PLXNC1: variants seen among roughly 807,000 people sequenced by gnomAD.
PLXNC1 encodes the protein plexin C1.
PLXNC1 carries 75 observed loss-of-function variants against 178.2 expected under a neutral mutation model. That is an observed-to-expected ratio of 0.42 (90% CI 0.35 to 0.51). PLXNC1 has a LOEUF of 0.51. PLXNC1 is among the 20% of genes least tolerant of loss of function. The pLI, the probability that PLXNC1 is intolerant of heterozygous loss-of-function variation, is 0.02. For missense variants in PLXNC1, 1,503 were observed against 1,984.4 expected (o/e 0.76, Z 4.61); for synonymous variants, 790 against 779.9 (o/e 1.01, Z -0.22).
At chr12:94,269,762 T>G (rs899539549) in intron 21 of PLXNC1, among the ~76,000 whole-genome samples, 7 of 152,260 alleles carry the variant, frequency 4.6e-5, no homozygotes, top group African/African-American at 1.7e-4. Context: ...CTCTCTACCA[T>G]AGTGCAAATC....
chr12:94,225,031 C>A (rs1047555529), intron 7 of PLXNC1, among the ~76,000 whole-genome samples: 18 of 152,180 alleles, frequency 1.2e-4, no homozygotes, highest in African/African-American at 4.3e-4. Context: ...AAGTCCCTTT[C>A]ACCAAAAGAA....
chr12:94,255,433 G>A, intron 17 of PLXNC1, 137 bp downstream of exon 17: 1 of 669,054 alleles, frequency 1.5e-6, no homozygotes, highest in Non-Finnish European at 2.7e-6. Context: ...TTAAGTTTGA[G>A]CAGAGCAGGG....
chr12:94,177,199 ACGTATATATATATGTGTG>A (rs1962115128), intron 2 of PLXNC1, among the ~76,000 whole-genome samples: 7 of 26,020 alleles, frequency 2.7e-4, no homozygotes, highest in African/African-American at 1.3e-3. Context: ...ATATATATAT[ACGTATATATATATGTGTG>A]TGTATATATA....
Position 94,236,552 on chromosome 12 carries a change from T to C in PLXNC1, c.1981-1112T>C, listed in dbSNP as rs187878392. On this transcript the variant is annotated intron_variant, in intron 9 of 30. Transcript: ENST00000258526. ...GTCCTCCAAGTGGATGCACTCAGCA[T>C]TTAGAATTTCACCAAACGTCATGTG... is the stretch of plus-strand genomic sequence containing the variant. Among the ~76,000 whole-genome samples the C allele has an allele frequency of 4.5e-3, 688 of 152,348 alleles. 17 individuals are homozygous for C. The highest frequency in any genetic ancestry group is 0.041 in the Admixed American group (626 of 15,306).
chr12:94,260,594 C>G lies in PLXNC1; in HGVS notation c.3252-48C>G. On this transcript the variant is annotated intron_variant, in intron 19 of 30. Transcript: ENST00000258526. The surrounding 1 kb of genome is among the most constrained non-coding windows in gnomAD (Gnocchi z 4.4). Reference sequence around the variant, plus strand: ...CTTCCATGGAAACTCCCATGGGTGTCCAGCTAGGCCTGCAGCCAATGGTTC... The same window carrying G: ...CTTCCATGGAAACTCCCATGGGTGTGCAGCTAGGCCTGCAGCCAATGGTTC... 7.0e-7 allele frequency: 1 copy of G among 1,430,910 alleles called. No homozygotes were observed. The highest frequency in any genetic ancestry group is 9.8e-7 in the Non-Finnish European group (1 of 1,022,740). 88.6% of individuals were successfully genotyped at this position (1,430,910 alleles called of 1,614,324 possible).
intron 17 of PLXNC1, among the ~76,000 whole-genome samples, chr12:94,258,454 T>C (rs1301649844): frequency 1.3e-5 from 2 of 152,228 alleles, no homozygotes; most frequent in East Asian, 3.8e-4. Flanking sequence ...TTTCTATTAT[T>C]ATCAAAAAAG....
chr12:94,229,903 G>A (rs2136034868), intron 9 of PLXNC1, among the ~76,000 whole-genome samples: 1 of 152,292 alleles, frequency 6.6e-6, no homozygotes, highest in East Asian at 1.9e-4. Flanking sequence ...TGAGATAATT[G>A]TAGATTCACA....
intron 3 of PLXNC1, among the ~76,000 whole-genome samples, chr12:94,181,994 A>G (rs1962325954): frequency 6.6e-6 from 1 of 152,142 alleles, no homozygotes; most frequent in Non-Finnish European, 1.5e-5. Context: ...TTCATGAACC[A>G]GGAAATATAT....
At chr12:94,302,335 T>C (rs1279693170) in intron 28 of PLXNC1, among the ~76,000 whole-genome samples, 1 of 152,212 alleles carries the variant, frequency 6.6e-6, no homozygotes, top group African/African-American at 2.4e-5. Context: ...ACAGTCCCTC[T>C]GTCTAGTAAA....
At position 94,228,548 on chromosome 12, in the gene PLXNC1, C is replaced by T. The variant is rs184880634; in HGVS notation, c.1980+1313C>T. On this transcript the variant is annotated intron_variant, in intron 9 of 30. Coordinates refer to ENST00000258526, the MANE Select transcript of PLXNC1 (RefSeq NM_005761.3). Reference sequence around the variant, plus strand: ...TCTTGCAAAACTGAAACTCTATGCTCGTTAAATAATAACTCTTCATCTCTC... The same window carrying T: ...TCTTGCAAAACTGAAACTCTATGCTTGTTAAATAATAACTCTTCATCTCTC... 8.5e-5 allele frequency among the ~76,000 whole-genome samples: 13 copies of T among 152,290 alleles called. No homozygotes were observed. The East Asian group carries it at 2.1e-3, about 25-fold the overall frequency.
intron 1 of PLXNC1, chr12:94,168,359 A>T (rs1961705405): frequency 6.6e-6 from 1 of 152,236 alleles, no homozygotes; most frequent in Non-Finnish European, 1.5e-5. Context: ...TTCCTTTTAA[A>T]CAAAAAAGAA....
At chr12:94,224,006 G>A (rs980468387) in intron 6 of PLXNC1, among the ~76,000 whole-genome samples, 1 of 152,160 alleles carries the variant, frequency 6.6e-6, no homozygotes, top group African/African-American at 2.4e-5. Context: ...AACTCGAGGT[G>A]GGTTCAGTCT....
intron 2 of PLXNC1, among the ~76,000 whole-genome samples, chr12:94,172,007 G>A (rs2135944356): frequency 6.6e-6 from 1 of 152,282 alleles, no homozygotes; most frequent in South Asian, 2.1e-4. Context: ...GAATCCTGAA[G>A]ACCCAGGATC....
chr12:94,222,785 C>T (rs1963833172), intron 6 of PLXNC1, among the ~76,000 whole-genome samples: 1 of 151,744 alleles, frequency 6.6e-6, no homozygotes, highest in Non-Finnish European at 1.5e-5. Context: ...AGTGTATTTT[C>T]ACTGGGAGTC....
chr12:94,155,083 C>T (rs1463327285), intron 1 of PLXNC1, among the ~76,000 whole-genome samples: 2 of 152,144 alleles, frequency 1.3e-5, no homozygotes, highest in Non-Finnish European at 2.9e-5. Flanking sequence ...TACATGGTGT[C>T]CTTTACTCCT....
chr12:94,257,017 G>GA (rs1450688527), intron 17 of PLXNC1, among the ~76,000 whole-genome samples: 1 of 152,088 alleles, frequency 6.6e-6, no homozygotes, highest in East Asian at 1.9e-4. Flanking sequence ...GAGAACCCAG[G>GA]AAAAAACATG....
intron 1 of PLXNC1, among the ~76,000 whole-genome samples, chr12:94,153,940 A>T (rs1338018426): frequency 6.6e-6 from 1 of 152,144 alleles, no homozygotes; most frequent in Non-Finnish European, 1.5e-5. Flanking sequence ...TCTTCTTGTG[A>T]TGTTTATTTC....
intron 21 of PLXNC1, among the ~76,000 whole-genome samples, chr12:94,274,155 T>TTAAA (rs1190908348): frequency 2.2e-5 from 1 of 45,376 alleles, no homozygotes; most frequent in African/African-American, 1.2e-4. Flanking sequence ...ACCCTGTCTC[T>TTAAA]AAAAAAAAAA....
chr12:94,298,921 C>A (rs1968198998), intron 27 of PLXNC1, 126 bp downstream of exon 27: 2 of 878,380 alleles, frequency 2.3e-6, no homozygotes, highest in Admixed American at 3.3e-5. Flanking sequence ...GCTTGGTAAG[C>A]TATCATGTCA....
Sources: allele counts gnomAD v4.1 joint callset (sites outside exome capture counted in the v4.1 genomes callset), GRCh38; gene constraint gnomAD v4.1.1; non-coding constraint Gnocchi (gnomAD v3.1); transcripts MANE v1.5; gene names NCBI Gene and HGNC (gene_info 2026-07-23, HGNC 2026-07-21).